MEIKIN: variants seen among roughly 807,000 people sequenced by gnomAD.
MEIKIN encodes meiotic kinetochore factor.
At chr5:131,821,608 C>G (rs1226314723) in intron 11 of MEIKIN, among the ~76,000 whole-genome samples, 4 of 112,958 alleles carry the variant, frequency 3.5e-5, no homozygotes, top group Non-Finnish European at 5.3e-5. Context: ...AAGTCTCTAG[C>G]TATTGTTATA....
intron 8 of MEIKIN, among the ~76,000 whole-genome samples, chr5:131,888,589 C>A (rs961357928): frequency 1.3e-5 from 2 of 151,910 alleles, no homozygotes; most frequent in Admixed American, 6.6e-5. Context: ...TGTTTGAGTT[C>A]ATTGTAGATT....
At chr5:131,836,446 G>C (rs376123543) in intron 11 of MEIKIN, among the ~76,000 whole-genome samples, 1 of 152,264 alleles carries the variant, frequency 6.6e-6, no homozygotes, top group African/African-American at 2.4e-5. Context: ...TGGTAGTTCT[G>C]TTTTTAGCTG....
At chr5:131,906,604 T>C (rs1751246961) in intron 8 of MEIKIN, among the ~76,000 whole-genome samples, 1 of 151,986 alleles carries the variant, frequency 6.6e-6, no homozygotes, top group South Asian at 2.1e-4. Context: ...AGCAAAGACA[T>C]GGAATCAACC....
chr5:131,913,655 A>G (rs1751364335), intron 7 of MEIKIN, among the ~76,000 whole-genome samples: 1 of 152,244 alleles, frequency 6.6e-6, no homozygotes, highest in Non-Finnish European at 1.5e-5. Context: ...TAATGCTGGT[A>G]GAATTGGGTT....
chr5:131,895,859 G>A (rs752054953), intron 8 of MEIKIN, among the ~76,000 whole-genome samples: 1 of 152,054 alleles, frequency 6.6e-6, no homozygotes, highest in Admixed American at 6.6e-5. Flanking sequence ...ACTGATTTTT[G>A]AAGGGTTTTT....
intron 11 of MEIKIN, among the ~76,000 whole-genome samples, chr5:131,833,057 C>G (rs530886418): frequency 1.3e-5 from 2 of 152,240 alleles, no homozygotes; most frequent in African/African-American, 4.8e-5. Context: ...AATTTCTCCT[C>G]AGAGAATGGG....
chr5:131,868,014 C>G (rs1168295575), intron 9 of MEIKIN, among the ~76,000 whole-genome samples: 3 of 152,216 alleles, frequency 2.0e-5, no homozygotes, highest in African/African-American at 7.2e-5. Context: ...TATTGCTTCA[C>G]ATCCTCCAGC....
At chr5:131,901,987 C>T (rs1751164901) in intron 8 of MEIKIN, among the ~76,000 whole-genome samples, 1 of 152,124 alleles carries the variant, frequency 6.6e-6, no homozygotes, top group Non-Finnish European at 1.5e-5. Context: ...TGCTTTAGCA[C>T]CACCCTCTTG....
chr5:131,893,462 C>T (rs550199025), intron 8 of MEIKIN, among the ~76,000 whole-genome samples: 36 of 152,284 alleles, frequency 2.4e-4, no homozygotes, highest in Admixed American at 1.6e-3. Context: ...AGCGTGGGAG[C>T]GACCCGATAT....
chr5:131,882,319 C>A (rs1034437797), intron 8 of MEIKIN, among the ~76,000 whole-genome samples: 1 of 152,150 alleles, frequency 6.6e-6, no homozygotes, highest in African/African-American at 2.4e-5. Context: ...AGTACCACCT[C>A]TTAGAACCTT....
intron 8 of MEIKIN, among the ~76,000 whole-genome samples, chr5:131,879,529 C>A (rs776132801): frequency 4.6e-5 from 7 of 152,038 alleles, no homozygotes; most frequent in Non-Finnish European, 7.4e-5. Context: ...GCATTTTAAA[C>A]ATTCTCAAGC....
chr5:131,945,631 A>T lies in MEIKIN; in HGVS notation c.-126T>A, dbSNP rs1277921466. On this transcript the variant is annotated 5_prime_UTR_variant, in exon 1 of 13. Transcript: ENST00000442687. ...GAGGCCCGCGGAGCAGCCTCACAGC[A>T]ACTAATCGAGCGAAAGCAAAAGCCC... 2.5e-6 allele frequency: 1 copy of T among 396,800 alleles called. No homozygotes were observed. The highest frequency in any genetic ancestry group is 2.1e-5 in the African/African-American group (1 of 48,534). The allele number at this position is 396,800 out of a possible 1,614,324, so 24.6% of individuals were successfully genotyped here. A position where few individuals can be genotyped will look rare whatever the true frequency, so the allele number is the denominator to read the frequency against.
intron 10 of MEIKIN, among the ~76,000 whole-genome samples, chr5:131,853,963 C>T (rs1033812009): frequency 3.9e-5 from 6 of 152,122 alleles, no homozygotes; most frequent in African/African-American, 1.4e-4. Context: ...AATTGAATTA[C>T]AATATGCTGT....
chr5:131,843,030 T>C (rs1408979923), intron 11 of MEIKIN, among the ~76,000 whole-genome samples: 1 of 152,200 alleles, frequency 6.6e-6, no homozygotes, highest in Non-Finnish European at 1.5e-5. Context: ...CCCAACACCA[T>C]GTGGAAGCCA....
chr5:131,846,344 AAAT>A (rs923090701), intron 11 of MEIKIN, among the ~76,000 whole-genome samples: 4 of 152,218 alleles, frequency 2.6e-5, no homozygotes, highest in African/African-American at 9.6e-5. Flanking sequence ...ATGAAGATCT[AAAT>A]AAAGGCAAAT....
chr5:131,841,726 T>C (rs966359048), intron 11 of MEIKIN, among the ~76,000 whole-genome samples: 2 of 152,214 alleles, frequency 1.3e-5, no homozygotes, highest in African/African-American at 4.8e-5. Flanking sequence ...AATGAAATGG[T>C]ATATCATTAC....
chr5:131,846,719 G>A (rs568923147), intron 11 of MEIKIN, among the ~76,000 whole-genome samples: 1 of 152,244 alleles, frequency 6.6e-6, no homozygotes, highest in Admixed American at 6.5e-5. Flanking sequence ...TACTCAGGAA[G>A]CCAAACTGGG....
intron 10 of MEIKIN, among the ~76,000 whole-genome samples, chr5:131,853,557 C>G (rs912699402): frequency 9.2e-5 from 14 of 152,136 alleles, no homozygotes; most frequent in African/African-American, 3.4e-4. Context: ...ACACTATCAA[C>G]AGAGTGAAAA....
At chr5:131,876,178 C>T (rs1750609339) in intron 9 of MEIKIN, among the ~76,000 whole-genome samples, 1 of 152,006 alleles carries the variant, frequency 6.6e-6, no homozygotes, top group Non-Finnish European at 1.5e-5. Flanking sequence ...TTCGGCACAG[C>T]AAAAGAAACT....
Sources: allele counts gnomAD v4.1 joint callset (sites outside exome capture counted in the v4.1 genomes callset), GRCh38; gene constraint gnomAD v4.1.1; transcripts MANE v1.5; gene names NCBI Gene and HGNC (gene_info 2026-07-23, HGNC 2026-07-21).